The following PKN2 variants were observed in gnomAD, a reference collection of about 807,000 sequenced individuals.
PKN2 encodes serine/threonine-protein kinase N2.
In PKN2, 38 loss-of-function variants were observed where a neutral mutation model predicts 119.1. The ratio of observed to expected loss-of-function variants is 0.32; its 90% CI spans 0.25 to 0.42. The LOEUF is 0.42. Ranked by LOEUF, PKN2 falls within the 10% of genes least tolerant of loss-of-function variation. The pLI, the probability that PKN2 is intolerant of heterozygous loss-of-function variation, is 1.00. For missense variants in PKN2, 850 were observed against 1,165.1 expected (o/e 0.73, Z 3.94); for synonymous variants, 390 against 384.9 (o/e 1.01, Z -0.15).
chr1:88,719,431 C>G (rs1205343594), intron 1 of PKN2, among the ~76,000 whole-genome samples: 2 of 152,120 alleles, frequency 1.3e-5, no homozygotes, highest in African/African-American at 4.8e-5. Flanking sequence ...AAATCTGATT[C>G]CCTCCCTTGT....
At position 88,741,167 on chromosome 1, in the gene PKN2, A is replaced by G. The variant is rs1235330957; in HGVS notation, c.228A>G (p.Lys76=). ...AENLRKVTTD[K]KSLAYVDNIL... is the part of the protein sequence containing the mutation. ...ATCTGAGGAAAGTCACAACAGATAA[A>G]AAAAGTTTGGCTTATGTAGACAACA... is the stretch of plus-strand genomic sequence containing the variant. Residue 76 remains lysine, a synonymous_variant, in exon 2 of 22, where the codon AAA becomes AAG. Coordinates refer to ENST00000370521, the MANE Select transcript of PKN2 (RefSeq NM_006256.4). 1 of 1,611,874 alleles carries G rather than the reference A, an allele frequency of 6.2e-7. No individual in the cohort carries two copies. The highest frequency in any genetic ancestry group is 2.2e-5 in the East Asian group (1 of 44,786).
chr1:88,770,577 CT>C (rs775781394), intron 4 of PKN2, 108 bp downstream of exon 4: 34,652 of 438,104 alleles, frequency 0.079, 13 homozygotes, highest in East Asian at 0.11. Flanking sequence ...ATTACTATTA[CT>C]TTTTTTTTTT....
At chr1:88,789,087 A>G (rs1426830900) in intron 8 of PKN2, among the ~76,000 whole-genome samples, 1 of 152,172 alleles carries the variant, frequency 6.6e-6, no homozygotes, top group African/African-American at 2.4e-5. Context: ...TGTTGTTAAG[A>G]GCAGAACTAT....
chr1:88,745,274 G>T (rs529209115), intron 2 of PKN2, among the ~76,000 whole-genome samples: 1 of 152,154 alleles, frequency 6.6e-6, no homozygotes, highest in South Asian at 2.1e-4. Flanking sequence ...GAGCACTTAG[G>T]CAAGAAAAAG....
chr1:88,803,353 C>T (rs1161155028), intron 8 of PKN2, among the ~76,000 whole-genome samples: 4 of 151,704 alleles, frequency 2.6e-5, no homozygotes, highest in African/African-American at 9.7e-5. Flanking sequence ...TATACCAAAA[C>T]GTTACATAAT....
rs112436747 is a variant in PKN2, at chr1:88,814,038, A to G, written c.2279+305A>G. Among the ~76,000 whole-genome samples the G allele has an allele frequency of 9.9e-3, 1,514 of 152,288 alleles. 21 individuals carry two copies. Among genetic ancestry groups the G allele is most frequent in the African/African-American group, 0.034 (1,430 of 41,578 alleles). The stretch of plus-strand genomic sequence containing the variant: ...TCACTAGAGAATGCCATCCAGAATT[A>G]CAGCTTTAAAGACAGATTATACTCA... On this transcript the variant is annotated intron_variant, in intron 16 of 21. Coordinates refer to ENST00000370521, the MANE Select transcript of PKN2 (RefSeq NM_006256.4).
intron 1 of PKN2, among the ~76,000 whole-genome samples, chr1:88,685,664 T>G (rs766299166): frequency 3.9e-4 from 59 of 152,194 alleles, no homozygotes; most frequent in Non-Finnish European, 5.9e-4. Flanking sequence ...TGCTTTATTT[T>G]AATATAGTTA....
Position 88,741,272 on chromosome 1 carries a change from T to C in PKN2, c.333T>C (p.Asp111=). The C allele has an allele frequency of 6.3e-7, 1 of 1,576,340 alleles. No individual in the cohort carries two copies. The highest frequency in any genetic ancestry group is 1.4e-5 in the African/African-American group (1 of 72,904). Residue 111 remains aspartate (D), a synonymous_variant, in exon 2 of 22, where the codon GAT becomes GAC. Coordinates refer to ENST00000370521, the MANE Select transcript of PKN2 (RefSeq NM_006256.4). ...TAAATGCACATATTGTTGTATCAGA[T>C]CCAGAAGATATTACAGGTATAGTAG... ...QELNAHIVVS[D]PEDITDCPRT...
intron 1 of PKN2, among the ~76,000 whole-genome samples, chr1:88,687,656 A>G (rs1666157348): frequency 6.6e-6 from 1 of 152,174 alleles, no homozygotes; most frequent in Non-Finnish European, 1.5e-5. Flanking sequence ...TTGGTCTGGG[A>G]ATCTTAAATT....
intron 2 of PKN2, among the ~76,000 whole-genome samples, chr1:88,755,691 TGTAGCACAGAGA>T (rs1669169860): frequency 6.6e-6 from 1 of 152,156 alleles, no homozygotes; most frequent in Admixed American, 6.5e-5. Flanking sequence ...CTAAGGAAAC[TGTAGCACAGAGA>T]TGTTAAGTAA....
chr1:88,827,636 T>C (rs12022884), intron 18 of PKN2, among the ~76,000 whole-genome samples: 72 of 75,120 alleles, frequency 9.6e-4, no homozygotes, highest in Non-Finnish European at 1.2e-3. Flanking sequence ...TCCCTTCCCT[T>C]CCCTCCCCTC....
At chr1:88,759,102 C>T (rs891978312) in intron 2 of PKN2, among the ~76,000 whole-genome samples, 18 of 152,188 alleles carry the variant, frequency 1.2e-4, no homozygotes, top group African/African-American at 3.9e-4. Flanking sequence ...CAGTGGCTTA[C>T]GCCTGTAATC....
intron 8 of PKN2, among the ~76,000 whole-genome samples, chr1:88,803,624 T>G (rs921870902): frequency 6.6e-6 from 1 of 152,174 alleles, no homozygotes; most frequent in African/African-American, 2.4e-5. Context: ...ATTAAAACCT[T>G]AAATATATTT....
At chr1:88,785,648 A>G (rs531289547) in intron 7 of PKN2, among the ~76,000 whole-genome samples, 14 of 152,286 alleles carry the variant, frequency 9.2e-5, no homozygotes, top group African/African-American at 1.4e-4. Context: ...AACTGGGGGG[A>G]AAAGCATGTG....
intron 1 of PKN2, among the ~76,000 whole-genome samples, chr1:88,693,306 T>G (rs905954049): frequency 2.6e-5 from 4 of 152,218 alleles, no homozygotes; most frequent in African/African-American, 9.7e-5. Flanking sequence ...AAGCAAAATA[T>G]TAATCTTCTG....
Position 88,776,338 on chromosome 1 carries a change from C to G in PKN2, c.985+4459C>G, listed in dbSNP as rs374026649. 2.6e-4 allele frequency among the ~76,000 whole-genome samples: 39 copies of G among 150,978 alleles called. No individual in the cohort carries two copies. The East Asian group carries it at 5.9e-3, about 23-fold the overall frequency. On this transcript the variant is annotated intron_variant, in intron 6 of 21. Transcript: ENST00000370521. ...TATGGGCGGGTCTCCTAGTGTCTAC[C>G]TCCCTTAGCTTTTGTTATCTAGGAA... is the stretch of plus-strand genomic sequence containing the variant.
chr1:88,822,493 C>A (rs1672333717), intron 17 of PKN2, among the ~76,000 whole-genome samples: 1 of 151,918 alleles, frequency 6.6e-6, no homozygotes, highest in Admixed American at 6.6e-5. Flanking sequence ...TGAACCACAC[C>A]TTGACTAACA....
chr1:88,714,907 G>T lies in PKN2; in HGVS notation c.49-26081G>T, dbSNP rs375761230. ...CCATTCAGTATGATATTGGCTGTGG[G>T]TTTGTCATAAATAGCTCTTATTATT... is the stretch of plus-strand genomic sequence containing the variant. On this transcript the variant is annotated intron_variant, in intron 1 of 21. Coordinates refer to ENST00000370521, the MANE Select transcript of PKN2 (RefSeq NM_006256.4). 6.2e-3 allele frequency among the ~76,000 whole-genome samples: 946 copies of T among 152,182 alleles called. 12 individuals carry two copies. In the South Asian group the frequency reaches 0.067, roughly 11 times the overall value.
chr1:88,771,967 G>T lies in PKN2; in HGVS notation c.985+88G>T, dbSNP rs1013495642. 1.1e-5 allele frequency: 9 copies of T among 820,370 alleles called. No homozygotes were observed. In the African/African-American group the frequency reaches 1.6e-4, roughly 14 times the overall value. 50.8% of individuals were successfully genotyped at this position (820,370 alleles called of 1,614,324 possible). ...TAATTGAAAGAAAAACCTGTGCATA[G>T]ATTTTTAAAATTATGATAAGATACA... On this transcript the variant is annotated intron_variant, in intron 6 of 21. Transcript: ENST00000370521.
Sources: gnomAD v4.1 joint callset for allele counts (sites outside exome capture counted in the v4.1 genomes callset) on GRCh38, gnomAD v4.1.1 for gene constraint, MANE v1.5 for transcripts, NCBI Gene and HGNC (gene_info 2026-07-23, HGNC 2026-07-21) for gene names.